The following CTNNA3 variants were observed in gnomAD, a reference collection of about 807,000 sequenced individuals.
The protein encoded by CTNNA3 is catenin alpha-3.
CTNNA3 carries 76 observed loss-of-function variants against 95.7 expected under a neutral mutation model. The observed-to-expected ratio is 0.79, with a 90% confidence interval of 0.66 to 0.96. The LOEUF (loss-of-function observed/expected upper bound fraction) is 0.96, where lower values mean the gene tolerates loss of function less well. Among genes scored for constraint, CTNNA3 ranks in the 40% least tolerant of loss-of-function variants. CTNNA3 has a pLI of 0.00. For missense variants in CTNNA3, 1,191 were observed against 1,089.8 expected (o/e 1.09, Z -1.31); for synonymous variants, 431 against 374.4 (o/e 1.15, Z -1.74).
At chr10:66,971,832 G>A (rs1849740153) in intron 7 of CTNNA3, among the ~76,000 whole-genome samples, 1 of 151,052 alleles carries the variant, frequency 6.6e-6, no homozygotes, top group Non-Finnish European at 1.5e-5. Context: ...TTAACAATAG[G>A]TTCTTCTCTT....
chr10:67,252,785 T>C (rs1866162306), intron 5 of CTNNA3, among the ~76,000 whole-genome samples: 1 of 152,172 alleles, frequency 6.6e-6, no homozygotes, highest in African/African-American at 2.4e-5. Flanking sequence ...TCAAATAAAC[T>C]CAATGTTTTC....
intron 7 of CTNNA3, among the ~76,000 whole-genome samples, chr10:67,176,350 T>A (rs1342404273): frequency 6.6e-6 from 1 of 152,228 alleles, no homozygotes; most frequent in Non-Finnish European, 1.5e-5. Context: ...CAACATGCAA[T>A]CATTTCATTC....
chr10:67,705,402 G>T (rs1841071899), intron 1 of CTNNA3, among the ~76,000 whole-genome samples: 5 of 150,166 alleles, frequency 3.3e-5, no homozygotes, highest in Admixed American at 2.0e-4. Context: ...TGATAGACTG[G>T]ATTAAGAAAA....
chr10:67,489,341 C>T (rs1848567920), intron 5 of CTNNA3, among the ~76,000 whole-genome samples: 1 of 152,106 alleles, frequency 6.6e-6, no homozygotes, highest in Non-Finnish European at 1.5e-5. Flanking sequence ...TCCCCCATTC[C>T]TCACCCAAGC....
At chr10:66,290,019 T>C (rs1368930947) in intron 12 of CTNNA3, among the ~76,000 whole-genome samples, 1 of 152,016 alleles carries the variant, frequency 6.6e-6, no homozygotes, top group East Asian at 1.9e-4. Flanking sequence ...CAGAAATTCA[T>C]TTGAAAAGAA....
At chr10:66,582,536 G>A (rs1166178564) in intron 10 of CTNNA3, among the ~76,000 whole-genome samples, 2 of 151,616 alleles carry the variant, frequency 1.3e-5, no homozygotes, top group South Asian at 2.1e-4. Context: ...GGAGTCTTTT[G>A]GAAGAATCCT....
At chr10:66,462,894 A>G (rs1389949006) in intron 11 of CTNNA3, among the ~76,000 whole-genome samples, 1 of 152,134 alleles carries the variant, frequency 6.6e-6, no homozygotes, top group Non-Finnish European at 1.5e-5. Flanking sequence ...TTTATCTCCT[A>G]TAAACCTTTT....
intron 1 of CTNNA3, among the ~76,000 whole-genome samples, chr10:67,715,001 C>T (rs1244978660): frequency 6.6e-6 from 1 of 152,154 alleles, no homozygotes; most frequent in African/African-American, 2.4e-5. Flanking sequence ...TGCCCAGTTT[C>T]TGGTATGTCT....
chr10:67,614,105 T>C (rs1014901053), intron 2 of CTNNA3, among the ~76,000 whole-genome samples: 1 of 152,172 alleles, frequency 6.6e-6, no homozygotes, highest in African/African-American at 2.4e-5. Context: ...TTTATTCCCT[T>C]ATTTGTCCCC....
At chr10:67,658,361 A>G (rs140899836) in intron 1 of CTNNA3, among the ~76,000 whole-genome samples, 1 of 152,218 alleles carries the variant, frequency 6.6e-6, no homozygotes. Flanking sequence ...ATTAGTTGAT[A>G]TCATTATCCC....
At chr10:65,961,645 C>G (rs778894755) in intron 17 of CTNNA3, among the ~76,000 whole-genome samples, 2 of 151,968 alleles carry the variant, frequency 1.3e-5, no homozygotes, top group African/African-American at 2.4e-5. Flanking sequence ...TCTGATTACA[C>G]TGGGGAAAGC....
intron 15 of CTNNA3, among the ~76,000 whole-genome samples, chr10:66,007,512 G>A (rs186924862): frequency 3.9e-5 from 6 of 152,062 alleles, no homozygotes; most frequent in African/African-American, 1.2e-4. Context: ...GTAGTTATTC[G>A]GCATCATGTG....
intron 13 of CTNNA3, among the ~76,000 whole-genome samples, chr10:66,259,771 T>C (rs929360248): frequency 6.6e-6 from 1 of 152,164 alleles, no homozygotes; most frequent in African/African-American, 2.4e-5. Flanking sequence ...CTGCAAAGCA[T>C]GTCTGTATTT....
chr10:67,074,342 C>CTTT lies in CTNNA3; in HGVS notation c.1047+105972_1047+105974dup, dbSNP rs36186252. On this transcript the variant is annotated intron_variant, in intron 7 of 17. Transcript: ENST00000433211. Reference sequence around the variant, plus strand: ...ACCGTGCCCAGCTGCCACTTTAACTCTTTTTTTTTTTTTTTTTTTTTTTTT... The same window carrying CTTT: ...ACCGTGCCCAGCTGCCACTTTAACTCTTTTTTTTTTTTTTTTTTTTTTTTTTTT... 6.5e-3 allele frequency among the ~76,000 whole-genome samples: 444 copies of CTTT among 68,738 alleles called. 58 individuals are homozygous for CTTT. The highest frequency in any genetic ancestry group is 0.024 in the African/African-American group (349 of 14,476). The allele number at this position is 68,738 out of a possible 152,430, so 45.1% of individuals were successfully genotyped here.
Position 67,017,857 on chromosome 10 carries a change from C to A in CTNNA3, c.1047+162460G>T, listed in dbSNP as rs183338625. On this transcript the variant is annotated intron_variant, in intron 7 of 17. Coordinates refer to ENST00000433211, the MANE Select transcript of CTNNA3 (RefSeq NM_013266.4). ...CAATCTCGGCTCACTGCAACCTCCGCCTCCAGGGTTCAAGCGATTCTCCTG... is the reference window on the plus strand; with the variant it reads ...CAATCTCGGCTCACTGCAACCTCCGACTCCAGGGTTCAAGCGATTCTCCTG... Among the ~76,000 whole-genome samples, 611 of 152,176 alleles carry A rather than the reference C, an allele frequency of 4.0e-3. 3 individuals carry two copies. The highest frequency in any genetic ancestry group is 6.8e-3 in the Middle Eastern group (2 of 294).
At chr10:67,211,845 C>T (rs74142426) in intron 6 of CTNNA3, among the ~76,000 whole-genome samples, 6,576 of 152,144 alleles carry the variant, frequency 0.043, 182 homozygotes, top group South Asian at 0.087. Flanking sequence ...GTACAAGTTA[C>T]ACAACCTCAC....
intron 13 of CTNNA3, among the ~76,000 whole-genome samples, chr10:66,267,152 T>C (rs2091177860): frequency 6.6e-6 from 1 of 152,088 alleles, no homozygotes; most frequent in African/African-American, 2.4e-5. Flanking sequence ...ATACTAAGCC[T>C]AGTAATTCCG....
chr10:67,203,554 C>T (rs1002741198), intron 6 of CTNNA3, among the ~76,000 whole-genome samples: 1 of 152,186 alleles, frequency 6.6e-6, no homozygotes, highest in African/African-American at 2.4e-5. Flanking sequence ...TCTTGGGCCA[C>T]TTCCAGTCAC....
chr10:67,239,764 A>C (rs772522726), intron 5 of CTNNA3, among the ~76,000 whole-genome samples: 1 of 152,174 alleles, frequency 6.6e-6, no homozygotes, highest in Non-Finnish European at 1.5e-5. Context: ...TGGACTGGCT[A>C]TGTTGTCATA....
Sources: gnomAD v4.1 joint callset for allele counts (sites outside exome capture counted in the v4.1 genomes callset) on GRCh38, gnomAD v4.1.1 for gene constraint, MANE v1.5 for transcripts, NCBI Gene and HGNC (gene_info 2026-07-23, HGNC 2026-07-21) for gene names.